The following DHX34 variants were observed in gnomAD, a reference collection of about 807,000 sequenced individuals.
The protein encoded by DHX34 is DExH-box helicase 34.
A neutral mutation model predicts 111.1 loss-of-function variants in DHX34; 96 were observed. The observed-to-expected ratio is 0.86, with a 90% CI of 0.73 to 1.02. The LOEUF (loss-of-function observed/expected upper bound fraction) is 1.02. Among genes scored for constraint, DHX34 ranks in the 50% least tolerant of loss-of-function variants. The pLI is 0.00. For synonymous variants in DHX34, 688 were observed against 670.4 expected, an observed-to-expected ratio of 1.03 and a Z score of -0.41; for missense variants, 1,560 against 1,579.9, an observed-to-expected ratio of 0.99 and a Z score of 0.21.
chr19:47,382,306 TC>T lies in DHX34; in HGVS notation c.*195del. The T allele has an allele frequency of 9.7e-7, 1 of 1,029,632 alleles. No homozygotes were observed. The highest frequency in any genetic ancestry group is 1.3e-6 in the Non-Finnish European group (1 of 745,938). The allele number at this position is 1,029,632 out of a possible 1,614,324, so 63.8% of individuals were successfully genotyped here. A position where few individuals can be genotyped will look rare whatever the true frequency, so the allele number is the denominator to read the frequency against. ...ACACTGTTAGGCCTGCACCTGCCCATCCAGAAAGCAGCAGCTGCCTTGTTAG... is the reference window on the plus strand; with the variant it reads ...ACACTGTTAGGCCTGCACCTGCCCATCAGAAAGCAGCAGCTGCCTTGTTAG... On this transcript the variant is annotated 3_prime_UTR_variant, in exon 17 of 17. Coordinates refer to ENST00000328771, the MANE Select transcript of DHX34 (RefSeq NM_014681.6).
In DHX34 at chr19:47,355,304, G is replaced by C; in HGVS notation, c.971G>C (p.Ser324Thr). The change falls in exon 3 of 17, where the codon AGC becomes ACC. Residue 324 changes from serine (S) to threonine (T), a missense_variant. Physicochemically the swap from Ser to Thr is moderately conservative, Grantham distance 58. Transcript: ENST00000328771. ...ATCTCGCTCTTCTCCAGCTATTTCAGCAATGCCCCTGTGGTACAGGTGCCT... is the reference window on the plus strand; with the variant it reads ...ATCTCGCTCTTCTCCAGCTATTTCACCAATGCCCCTGTGGTACAGGTGCCT... The part of the protein sequence containing the change: ...INISLFSSYF[S>T]NAPVVQVPGR... The C allele has an allele frequency of 6.2e-7, 1 of 1,614,134 alleles. No individual in the cohort carries two copies. Among genetic ancestry groups the C allele is most frequent in the Non-Finnish European group, 8.5e-7 (1 of 1,180,022 alleles).
At position 47,379,970 on chromosome 19, in the gene DHX34, A is replaced by G; in HGVS notation, c.2967A>G (p.Gln989=). 2 of 1,586,984 alleles carry G rather than the reference A, an allele frequency of 1.3e-6. No individual in the cohort carries two copies. Among genetic ancestry groups the G allele is most frequent in the Non-Finnish European group, 1.7e-6 (2 of 1,158,988 alleles). Residue 989 remains glutamine, a synonymous_variant, in exon 14 of 17, where the codon CAA becomes CAG. Transcript: ENST00000328771. ...EVATLSKELL[Q]FTASKIPYSL... is the part of the protein sequence containing the mutation. ...CCACCCTGAGCAAGGAACTCCTGCA[A>G]TTCACGGCATCCAAGGTACCCTCCA...
chr19:47,367,005 C>T lies in DHX34; in HGVS notation c.1618C>T (p.Pro540Ser), dbSNP rs1969806272. The T allele has an allele frequency of 6.4e-7, 1 of 1,560,050 alleles. No individual in the cohort carries two copies. Among genetic ancestry groups the T allele is most frequent in the South Asian group, 1.2e-5 (1 of 81,478 alleles). The change falls in exon 7 of 17, where the codon CCC (proline) becomes TCC (serine). Residue 540 changes from proline (P) to serine (S), a missense_variant. Pro to Ser is a moderately conservative substitution (Grantham distance 74, BLOSUM62 -1). Coordinates refer to ENST00000328771, the MANE Select transcript of DHX34 (RefSeq NM_014681.6). ...GATGAAGAGCATGAGTGTGGGGGACCCCCGAACCTTCCCCTTCATCGAGCC... is the reference window on the plus strand; with the variant it reads ...GATGAAGAGCATGAGTGTGGGGGACTCCCGAACCTTCCCCTTCATCGAGCC... ...LQMKSMSVGD[P>S]RTFPFIEPPP...
intron 15 of DHX34, 56 bp downstream of exon 15, chr19:47,381,048 C>T (rs183548616): frequency 3.4e-5 from 52 of 1,543,094 alleles, no homozygotes; most frequent in East Asian, 2.0e-4. Context: ...CCCACCACCC[C>T]GTTTCACCTT....
intron 6 of DHX34, 41 bp downstream of exon 6, chr19:47,362,734 G>T: frequency 1.3e-6 from 2 of 1,530,226 alleles, no homozygotes; most frequent in Non-Finnish European, 1.8e-6. Flanking sequence ...CTAACTGCTG[G>T]CACAGGGAGG....
chr19:47,352,279 C>T (rs1969310405), intron 1 of DHX34, among the ~76,000 whole-genome samples: 1 of 152,220 alleles, frequency 6.6e-6, no homozygotes, highest in Non-Finnish European at 1.5e-5. Context: ...GTGTGTGTCA[C>T]ATGAGAGATC....
intron 6 of DHX34, among the ~76,000 whole-genome samples, chr19:47,366,283 AT>A (rs1325561318): frequency 2.6e-5 from 4 of 151,848 alleles, no homozygotes; most frequent in African/African-American, 9.7e-5. Context: ...ATTTTATTTT[AT>A]TTTATTTTAT....
intron 16 of DHX34, chr19:47,381,591 C>A: frequency 1.7e-6 from 1 of 594,910 alleles, no homozygotes; most frequent in Non-Finnish European, 2.9e-6. Context: ...CTCTCTGTGG[C>A]TATGTCTCTT....
chr19:47,379,829 T>A lies in DHX34; in HGVS notation c.2826T>A (p.Ala942=), dbSNP rs28522883. ...AAAGTGCCATCCGACTCCTGGCGGC[T>A]TCCCTGCGGCTCCGTGCCCGCTGGG... ...DSESAIRLLA[A]SLRLRARWES... is the part of the protein sequence containing the mutation. Residue 942 remains alanine, a synonymous_variant, in exon 14 of 17, where the codon GCT becomes GCA. Coordinates refer to ENST00000328771, the MANE Select transcript of DHX34 (RefSeq NM_014681.6). The A allele has an allele frequency of 1.2e-6, 2 of 1,613,676 alleles. No individual in the cohort carries two copies. The highest frequency in any genetic ancestry group is 3.3e-5 in the Admixed American group (2 of 60,006).
In DHX34 at chr19:47,381,209, C is replaced by T. The variant is rs1970345838; in HGVS notation, c.3183C>T (p.Asp1061=). Residue 1061 remains aspartate, a synonymous_variant, in exon 16 of 17, where the codon GAC becomes GAT. Transcript: ENST00000328771. The part of the protein sequence containing the change: ...CLTNDTDLYS[D]CLRTFWTCPH... ...AGAATGACACAGACCTGTACAGCGA[C>T]TGTCTCCGAACCTTCTGGACCTGCC... The T allele has an allele frequency of 6.2e-7, 1 of 1,613,950 alleles. No homozygotes were observed. Among genetic ancestry groups the T allele is most frequent in the African/African-American group, 1.3e-5 (1 of 74,940 alleles).
intron 10 of DHX34, 29 bp from the exon 11 acceptor site, chr19:47,375,895 A>G (rs1339513513): frequency 6.3e-7 from 1 of 1,584,494 alleles, no homozygotes; most frequent in South Asian, 1.1e-5. Context: ...CAGGTCCCCT[A>G]AGACTCTGCC....
intron 5 of DHX34, among the ~76,000 whole-genome samples, chr19:47,360,828 C>T (rs1297296917): frequency 2.0e-5 from 3 of 152,114 alleles, no homozygotes; most frequent in Non-Finnish European, 4.4e-5. Flanking sequence ...TGCATCACCA[C>T]GCCCGGCTAA....
chr19:47,377,063 C>T, intron 12 of DHX34, 37 bp from the exon 13 acceptor site: 1 of 1,612,714 alleles, frequency 6.2e-7, no homozygotes, highest in East Asian at 2.2e-5. Context: ...CCTGGGTGGG[C>T]CAGGGTGGGC....
In DHX34 at chr19:47,365,815, A is replaced by C. The variant is rs137953393; in HGVS notation, c.1594-1166A>C. Reference sequence around the variant, plus strand: ...CCACGCCAGACCCCGGGGTGGACATATGCTGTCACTTAATTCTCCCACCAT... The same window carrying C: ...CCACGCCAGACCCCGGGGTGGACATCTGCTGTCACTTAATTCTCCCACCAT... On this transcript the variant is annotated intron_variant, in intron 6 of 16. Transcript: ENST00000328771. 9.3e-4 allele frequency among the ~76,000 whole-genome samples: 141 copies of C among 152,266 alleles called. No homozygotes were observed. The East Asian group carries it at 0.025, about 27-fold the overall frequency.
intron 16 of DHX34, 164 bp downstream of exon 16, chr19:47,381,488 AGCC>A: frequency 9.5e-7 from 1 of 1,052,150 alleles, no homozygotes; most frequent in Non-Finnish European, 1.3e-6. Context: ...GAAGATCAGG[AGCC>A]CAAGGCAGGG....
At chr19:47,354,940 C>T (rs1969405509) in intron 2 of DHX34, 99 bp from the exon 3 acceptor site, 3 of 1,540,106 alleles carry the variant, frequency 1.9e-6, no homozygotes, top group South Asian at 2.5e-5. Flanking sequence ...AGGCGTGAGC[C>T]ACCGCACCCG....
rs778440824 is a variant in DHX34, at chr19:47,353,434, G to A, written c.404G>A (p.Arg135Gln). 51 of 1,614,046 alleles carry A rather than the reference G, an allele frequency of 3.2e-5. No individual in the cohort carries two copies. Among genetic ancestry groups the A allele is most frequent in the East Asian group, 6.7e-5 (3 of 44,900 alleles). The change falls in exon 2 of 17, where the codon CGA becomes CAA. Residue 135 changes from arginine (R) to glutamine (Q), a missense_variant. By Grantham distance (43) the Arg-to-Gln change is conservative (BLOSUM62 1). Coordinates refer to ENST00000328771, the MANE Select transcript of DHX34 (RefSeq NM_014681.6). The surrounding 1 kb of genome is among the most constrained non-coding windows in gnomAD (Gnocchi z 4.6). ...LPAERVAEFR[R>Q]ALLHYLDFGQ... is the part of the protein sequence containing the mutation. ...GCGGAGAGAGTGGCTGAGTTCCGCC[G>A]AGCCCTGTTGCACTACCTGGACTTT...
At chr19:47,361,274 A>G (rs183319587) in intron 5 of DHX34, among the ~76,000 whole-genome samples, 442 of 151,896 alleles carry the variant, frequency 2.9e-3, no homozygotes, top group African/African-American at 0.01. Context: ...CCTGGACAAC[A>G]TGGTGAAACT....
chr19:47,376,563 A>G lies in DHX34; in HGVS notation c.2599+3A>G. The G allele has an allele frequency of 2.6e-6, 4 of 1,555,454 alleles. No homozygotes were observed. Among genetic ancestry groups the G allele is most frequent in the Non-Finnish European group, 2.6e-6 (3 of 1,150,314 alleles). ...CAGCAACTGCGACGGAAGCCGAGGTACAGTGAGCCCAGGCGGAAGGAACCC... is the reference window on the plus strand; with the variant it reads ...CAGCAACTGCGACGGAAGCCGAGGTGCAGTGAGCCCAGGCGGAAGGAACCC... On this transcript the variant is annotated splice_donor_region_variant and intron_variant, in intron 12 of 16. Coordinates refer to ENST00000328771, the MANE Select transcript of DHX34 (RefSeq NM_014681.6).
Sources: gnomAD v4.1 joint callset for allele counts (sites outside exome capture counted in the v4.1 genomes callset) on GRCh38, gnomAD v4.1.1 for gene constraint, Gnocchi (gnomAD v3.1) non-coding constraint, MANE v1.5 for transcripts, NCBI Gene and HGNC (gene_info 2026-07-23, HGNC 2026-07-21) for gene names.